Variants in GRAMD1C observed in about 807,000 individuals in gnomAD.
GRAMD1C encodes the protein GRAM domain containing 1C.
GRAMD1C carries 89 observed loss-of-function variants against 97.8 expected under a neutral mutation model. The ratio of observed to expected loss-of-function variants is 0.91; its 90% CI spans 0.77 to 1.09. The LOEUF is 1.09. Among genes scored for constraint, GRAMD1C ranks in the 50% least tolerant of loss-of-function variants. The pLI, the probability that GRAMD1C is intolerant of heterozygous loss-of-function variation, is 0.00. For synonymous variants in GRAMD1C, 256 were observed against 267.0 expected, an observed-to-expected ratio of 0.96 and a Z score of 0.40; for missense variants, 740 against 766.4, an observed-to-expected ratio of 0.97 and a Z score of 0.41.
At chr3:113,846,798 G>A (rs1933629023) in intron 2 of GRAMD1C, among the ~76,000 whole-genome samples, 2 of 152,146 alleles carry the variant, frequency 1.3e-5, no homozygotes, top group South Asian at 4.1e-4. Context: ...CTTTGGCTCA[G>A]TTTGGGCCCC....
chr3:113,911,715 C>CTTTCTCTTCCTTACTTCCTTA (rs60591194), intron 9 of GRAMD1C, among the ~76,000 whole-genome samples: 1 of 64,482 alleles, frequency 1.6e-5, no homozygotes, highest in Non-Finnish European at 3.3e-5. Flanking sequence ...TTCCTTCCTT[C>CTTTCTCTTCCTTACTTCCTTA]CTTCCTTCCT....
chr3:113,862,278 A>C (rs531502163), intron 2 of GRAMD1C, among the ~76,000 whole-genome samples: 2 of 152,158 alleles, frequency 1.3e-5, no homozygotes, highest in Non-Finnish European at 2.9e-5. Context: ...GGCTTATTTC[A>C]TCCCTACAGC....
chr3:113,906,009 T>C (rs1012719149), intron 8 of GRAMD1C, among the ~76,000 whole-genome samples: 1 of 152,150 alleles, frequency 6.6e-6, no homozygotes, highest in African/African-American at 2.4e-5. Context: ...TCCCATAACA[T>C]TTTAAGGGAG....
intron 2 of GRAMD1C, among the ~76,000 whole-genome samples, chr3:113,855,463 G>A (rs1476198988): frequency 6.6e-6 from 1 of 152,110 alleles, no homozygotes; most frequent in Non-Finnish European, 1.5e-5. Flanking sequence ...CAGCACTTTG[G>A]GAGGCCAAGG....
At chr3:113,938,026 T>C in intron 14 of GRAMD1C, 60 bp from the exon 15 acceptor site, 4 of 698,532 alleles carry the variant, frequency 5.7e-6, no homozygotes, top group Non-Finnish European at 8.9e-6. Context: ...AAAAAAAAAA[T>C]TTGGATCAGT....
At chr3:113,835,473 T>A (rs1240131481), upstream of GRAMD1C, among the ~76,000 whole-genome samples, 1 of 152,242 alleles carries the variant, frequency 6.6e-6, no homozygotes, top group Non-Finnish European at 1.5e-5. Flanking sequence ...TGGAGAACCA[T>A]GAGGACATCT....
At position 113,915,745 on chromosome 3, in the gene GRAMD1C, C is replaced by T. The variant is rs202101493; in HGVS notation, c.997C>T (p.Arg333Cys). ...KDLHGRLFIN[R>C]IFHISADRMF... The stretch of plus-strand genomic sequence containing the variant: ...TCTTCATGGAAGACTTTTTATCAAC[C>T]GTATTTTTCATATCAGTGCTGACAG... Residue 333 changes from arginine (R) to cysteine (C), a missense_variant, in exon 10 of 18, where the codon CGT becomes TGT. Physicochemically the swap from Arg to Cys is radical, Grantham distance 180 (BLOSUM62 -3). Coordinates refer to ENST00000358160, the MANE Select transcript of GRAMD1C (RefSeq NM_017577.5). 198 of 1,608,908 alleles carry T rather than the reference C, an allele frequency of 1.2e-4. No individual in the cohort carries two copies. Among genetic ancestry groups the T allele is most frequent in the Non-Finnish European group, 1.6e-4 (187 of 1,175,838 alleles).
chr3:113,924,404 G>T (rs1200062572), intron 10 of GRAMD1C, among the ~76,000 whole-genome samples: 1 of 152,028 alleles, frequency 6.6e-6, no homozygotes, highest in Non-Finnish European at 1.5e-5. Context: ...TTTCATGTGG[G>T]TGTTTAGCAC....
rs558764864 is a variant in GRAMD1C, at chr3:113,944,684, C to T, written c.1909-714C>T. ...TTTGTTTTATTAATAGTTCTGGATC[C>T]CTGACTAGTCTGTAAGCTCCATGAA... On this transcript the variant is annotated intron_variant, in intron 17 of 17. Transcript: ENST00000358160. Among the ~76,000 whole-genome samples, 117 of 152,070 alleles carry T rather than the reference C, an allele frequency of 7.7e-4. 1 individual carries two copies. Among genetic ancestry groups the T allele is most frequent in the Admixed American group, 2.9e-3 (44 of 15,260 alleles).
At chr3:113,897,508 C>G in intron 6 of GRAMD1C, 1 of 984,170 alleles carries the variant, frequency 1.0e-6, no homozygotes, top group South Asian at 4.7e-5. Flanking sequence ...GCATTCTGAC[C>G]TGCAACCTTG....
chr3:113,939,063 C>T (rs1937641769), intron 15 of GRAMD1C: 1 of 152,126 alleles, frequency 6.6e-6, no homozygotes. Flanking sequence ...GAATATTAAT[C>T]TGTATACCAT....
intron 11 of GRAMD1C, among the ~76,000 whole-genome samples, chr3:113,931,865 A>G (rs953289232): frequency 3.3e-5 from 5 of 152,098 alleles, no homozygotes; most frequent in Non-Finnish European, 5.9e-5. Context: ...GTTTGAGATT[A>G]CAGCGAGCTA....
intron 6 of GRAMD1C, among the ~76,000 whole-genome samples, chr3:113,895,210 G>A (rs969579097): frequency 3.3e-5 from 5 of 152,074 alleles, no homozygotes; most frequent in African/African-American, 9.7e-5. Flanking sequence ...TGCTTGTTGT[G>A]CCACTTTCTG....
rs1938038554 is a variant in GRAMD1C, at chr3:113,945,678, TATAG to T, written c.*204_*207del. 5.9e-6 allele frequency: 3 copies of T among 504,530 alleles called. No individual in the cohort carries two copies. Among genetic ancestry groups the T allele is most frequent in the Non-Finnish European group, 3.5e-6 (1 of 286,342 alleles). 31.3% of individuals were successfully genotyped at this position (504,530 alleles called of 1,614,324 possible). A position where few individuals can be genotyped will look rare whatever the true frequency, so the allele number is the denominator to read the frequency against. On this transcript the variant is annotated 3_prime_UTR_variant, in exon 18 of 18. Coordinates refer to ENST00000358160, the MANE Select transcript of GRAMD1C (RefSeq NM_017577.5). ...CTTAATAATCCATCCTTTCACTTCT[TATAG>T]ATATTTTTAAGCTGTGAATTTCTTC... is the stretch of plus-strand genomic sequence containing the variant.
chr3:113,836,575 A>T (rs1709634536), upstream of GRAMD1C, among the ~76,000 whole-genome samples: 2 of 151,168 alleles, frequency 1.3e-5, no homozygotes, highest in Non-Finnish European at 2.9e-5. Flanking sequence ...ACTCCTAAAT[A>T]TTTTAGTGTG....
At chr3:113,889,444 A>C (rs1313774436) in intron 6 of GRAMD1C, among the ~76,000 whole-genome samples, 1 of 152,190 alleles carries the variant, frequency 6.6e-6, no homozygotes, top group African/African-American at 2.4e-5. Flanking sequence ...CAGCTGATGG[A>C]GTCAGTTATC....
Position 113,838,826 on chromosome 3 carries a change from ACTCGCAGCGCGCGCT to A in GRAMD1C, c.-83_-69del. On this transcript the variant is annotated 5_prime_UTR_variant, in exon 1 of 18. Coordinates refer to ENST00000358160, the MANE Select transcript of GRAMD1C (RefSeq NM_017577.5). ...GCGGAGGAGGCGCGCGGAGCCTGTA[ACTCGCAGCGCGCGCT>A]GGAGGTGGGCGCGGGGCGGTGCGGT... 1 of 1,036,458 alleles carries A rather than the reference ACTCGCAGCGCGCGCT, an allele frequency of 9.6e-7. No individual in the cohort carries two copies. The highest frequency in any genetic ancestry group is 1.2e-6 in the Non-Finnish European group (1 of 812,232). 64.2% of individuals were successfully genotyped at this position (1,036,458 alleles called of 1,614,324 possible).
chr3:113,941,330 A>G (rs1022041532), intron 17 of GRAMD1C, among the ~76,000 whole-genome samples: 17 of 152,174 alleles, frequency 1.1e-4, no homozygotes, highest in African/African-American at 4.1e-4. Context: ...ACTCATGCCT[A>G]TAATTCTGGA....
In GRAMD1C at chr3:113,916,167, A is replaced by AT. The variant is rs1936803714; in HGVS notation, c.1090+329_1090+330insT. On this transcript the variant is annotated intron_variant, in intron 10 of 17. Transcript: ENST00000358160. ...AACAACTGAATTTTGGTGGAGTGTA[A>AT]ATTGGAACAACCACTTTGCCAAAAG... 2.6e-5 allele frequency among the ~76,000 whole-genome samples: 4 copies of AT among 152,326 alleles called. No homozygotes were observed. In the South Asian group the frequency reaches 8.3e-4, roughly 32 times the overall value.
Sources: gnomAD v4.1 joint callset for allele counts (sites outside exome capture counted in the v4.1 genomes callset) on GRCh38, gnomAD v4.1.1 for gene constraint, MANE v1.5 for transcripts, NCBI Gene and HGNC (gene_info 2026-07-23, HGNC 2026-07-21) for gene names.